Variants in PCDHGB4 observed in about 807,000 individuals in gnomAD.
The protein encoded by PCDHGB4 is protocadherin gamma-B4.
In PCDHGB4, 38 loss-of-function variants were observed where a neutral mutation model predicts 60.5. That is an observed-to-expected ratio of 0.63 (90% CI 0.48 to 0.82). The LOEUF is 0.82. PCDHGB4 is among the 40% of genes least tolerant of loss of function. PCDHGB4 has a pLI of 0.00. For synonymous variants in PCDHGB4, 456 were observed against 509.7 expected, an observed-to-expected ratio of 0.89 and a Z score of 1.42; for missense variants, 1,109 against 1,209.6, an observed-to-expected ratio of 0.92 and a Z score of 1.23.
chr5:141,404,116 G>A (rs751598967), intron 1 of PCDHGB4: 1 of 1,613,478 alleles, frequency 6.2e-7, no homozygotes, highest in East Asian at 2.2e-5. Flanking sequence ...CTATCCAGGA[G>A]AATCTATCTT....
chr5:141,415,189 A>T (rs575244490), intron 1 of PCDHGB4: 2 of 1,613,840 alleles, frequency 1.2e-6, no homozygotes, highest in Non-Finnish European at 1.7e-6. Context: ...GGCCGACAGC[A>T]TCCCCCAAGT....
chr5:141,463,388 C>T (rs1470533734), intron 1 of PCDHGB4, among the ~76,000 whole-genome samples: 1 of 150,092 alleles, frequency 6.7e-6, no homozygotes, highest in Non-Finnish European at 1.5e-5. Flanking sequence ...AAAGTTGTCT[C>T]CAGGCAAAAA....
chr5:141,388,903 A>T lies in PCDHGB4; in HGVS notation c.1019A>T (p.Asp340Val). The T allele has an allele frequency of 6.2e-7, 1 of 1,614,010 alleles. No homozygotes were observed. Among genetic ancestry groups the T allele is most frequent in the Non-Finnish European group, 8.5e-7 (1 of 1,179,858 alleles). Residue 340 changes from aspartate (D) to valine (V), a missense_variant, in exon 1 of 4, where the codon GAC (aspartate) becomes GTC (valine). Coordinates refer to ENST00000519479, the MANE Select transcript of PCDHGB4 (RefSeq NM_003736.4). The part of the protein sequence containing the change: ...TVEVEVIDEN[D>V]NAPEVIFQSL... ...GAGGTAGAAGTCATAGATGAAAATG[A>T]CAACGCCCCAGAAGTGATATTCCAG...
chr5:141,509,810 G>T (rs1272295976), intron 3 of PCDHGB4, among the ~76,000 whole-genome samples: 1 of 152,154 alleles, frequency 6.6e-6, no homozygotes, highest in East Asian at 1.9e-4. Flanking sequence ...ATAGAGCCGA[G>T]CTCTTCTCCA....
chr5:141,400,965 CTCTT>C (rs2094096418), intron 1 of PCDHGB4, among the ~76,000 whole-genome samples: 1 of 151,032 alleles, frequency 6.6e-6, no homozygotes, highest in Non-Finnish European at 1.5e-5. Flanking sequence ...TAGTTTTCAT[CTCTT>C]TCTTATGTTC....
At chr5:141,422,789 T>A (rs776409955) in intron 1 of PCDHGB4, 16 of 1,614,158 alleles carry the variant, frequency 9.9e-6, no homozygotes, top group Non-Finnish European at 1.4e-5. Context: ...CTACAATCCT[T>A]CGACTATGAG....
chr5:141,396,765 T>A (rs1446594255), intron 1 of PCDHGB4: 1 of 152,246 alleles, frequency 6.6e-6, no homozygotes, highest in Non-Finnish European at 1.5e-5. Flanking sequence ...CAATAAATGT[T>A]TGTTATTAAT....
At chr5:141,502,480 AC>A (rs145333712) in intron 2 of PCDHGB4, among the ~76,000 whole-genome samples, 7,822 of 152,242 alleles carry the variant, frequency 0.051, 439 homozygotes, top group African/African-American at 0.14. Flanking sequence ...GCAGCATCAC[AC>A]TGGGACTCAT....
chr5:141,414,588 G>A, intron 1 of PCDHGB4: 1 of 1,613,872 alleles, frequency 6.2e-7, no homozygotes, highest in Non-Finnish European at 8.5e-7. Flanking sequence ...ACAACGCCAG[G>A]GGTGCCTCCA....
chr5:141,467,284 C>T (rs2099140788), intron 1 of PCDHGB4, among the ~76,000 whole-genome samples: 1 of 152,080 alleles, frequency 6.6e-6, no homozygotes, highest in Non-Finnish European at 1.5e-5. Context: ...AACTCTTGAC[C>T]TCAAGTGATC....
intron 1 of PCDHGB4, chr5:141,419,926 G>C (rs1371764532): frequency 7.4e-6 from 12 of 1,613,978 alleles, no homozygotes; most frequent in Non-Finnish European, 8.5e-6. Flanking sequence ...CTGAGATGCA[G>C]TTTTACCTGG....
chr5:141,432,416 C>T lies in PCDHGB4; in HGVS notation c.2397+42135C>T. 4 of 1,614,258 alleles carry T rather than the reference C, an allele frequency of 2.5e-6. No individual in the cohort carries two copies. Among genetic ancestry groups the T allele is most frequent in the Non-Finnish European group, 3.4e-6 (4 of 1,180,048 alleles). ...CAACGTGTCGTTGAGCCTGTTCGTG[C>T]TGGACCAGAACGACAATGCGCCCGA... On this transcript the variant is annotated intron_variant, in intron 1 of 3. Coordinates refer to ENST00000519479, the MANE Select transcript of PCDHGB4 (RefSeq NM_003736.4). The surrounding 1 kb of genome is among the most constrained non-coding windows in gnomAD (Gnocchi z 6.0).
chr5:141,437,478 T>G (rs942305423), intron 1 of PCDHGB4, among the ~76,000 whole-genome samples: 2 of 152,210 alleles, frequency 1.3e-5, no homozygotes, highest in African/African-American at 2.4e-5. Flanking sequence ...TATAGCATAT[T>G]TAATCTCGTA....
intron 1 of PCDHGB4, chr5:141,418,998 G>C (rs757681244): frequency 1.9e-6 from 3 of 1,613,940 alleles, no homozygotes; most frequent in South Asian, 1.1e-5. Context: ...GGGGAAAATG[G>C]GGAAGTCAGG....
chr5:141,417,711 C>A, intron 1 of PCDHGB4: 1 of 1,261,876 alleles, frequency 7.9e-7, no homozygotes, highest in Non-Finnish European at 1.1e-6. Flanking sequence ...CACAGAGGCT[C>A]CCGGCTGCGC....
chr5:141,392,299 T>C (rs1165805349), intron 1 of PCDHGB4: 1 of 151,994 alleles, frequency 6.6e-6, no homozygotes, highest in African/African-American at 2.4e-5. Flanking sequence ...GAAATGAAAG[T>C]ATCATGTTTT....
At chr5:141,483,534 G>C (rs754118568) in intron 1 of PCDHGB4, among the ~76,000 whole-genome samples, 1 of 152,102 alleles carries the variant, frequency 6.6e-6, no homozygotes, top group Non-Finnish European at 1.5e-5. Flanking sequence ...AAGGAAGCTG[G>C]GTGGTTGACA....
intron 1 of PCDHGB4, chr5:141,423,749 TTGGGGGGGGGG>T: frequency 3.7e-6 from 1 of 272,202 alleles, no homozygotes; most frequent in Non-Finnish European, 4.7e-6. Context: ...TGAAAACTGT[TTGGGGGGGGGG>T]TGGGGCGGCA....
rs1280755615 is a variant in PCDHGB4, at chr5:141,431,629, A to G, written c.2397+41348A>G. 1 of 1,614,246 alleles carries G rather than the reference A, an allele frequency of 6.2e-7. No individual in the cohort carries two copies. ...GGTATGTGGACGACAAGGCGGCCCA[A>G]GTTTTCAAACTAGATTGTAATTCAG... On this transcript the variant is annotated intron_variant, in intron 1 of 3. Transcript: ENST00000519479. The surrounding 1 kb of genome is among the most constrained non-coding windows in gnomAD (Gnocchi z 4.8).
Sources: allele counts gnomAD v4.1 joint callset (sites outside exome capture counted in the v4.1 genomes callset), GRCh38; gene constraint gnomAD v4.1.1; non-coding constraint Gnocchi (gnomAD v3.1); transcripts MANE v1.5; gene names NCBI Gene and HGNC (gene_info 2026-07-23, HGNC 2026-07-21).